The following ST3GAL5 variants were observed in gnomAD, a reference collection of about 807,000 sequenced individuals.
The protein encoded by ST3GAL5 is lactosylceramide alpha-2,3-sialyltransferase.
Under a neutral mutation model 46.1 loss-of-function variants are expected in ST3GAL5, and 25 were observed. The observed-to-expected ratio is 0.54, with a 90% confidence interval of 0.40 to 0.76. The LOEUF (loss-of-function observed/expected upper bound fraction) is 0.76. Ranked by LOEUF, ST3GAL5 falls within the 30% of genes least tolerant of loss-of-function variation. The probability of loss-of-function intolerance (pLI) is 0.00; values close to 1 mark genes in which losing one functional copy is unlikely to be tolerated. For missense variants in ST3GAL5, 431 were observed against 521.2 expected (o/e 0.83, Z 1.69); for synonymous variants, 182 against 192.7 (o/e 0.94, Z 0.46).
At position 85,874,776 on chromosome 2, in the gene ST3GAL5, AGAAT is replaced by A. The variant is rs539302998; in HGVS notation, c.83-11295_83-11292del. Among the ~76,000 whole-genome samples, 191 of 150,960 alleles carry A rather than the reference AGAAT, an allele frequency of 1.3e-3. 1 individual carries two copies. Among genetic ancestry groups the A allele is most frequent in the Admixed American group, 3.3e-3 (49 of 15,022 alleles). On this transcript the variant is annotated intron_variant, in intron 1 of 6. Transcript: ENST00000638572. ...AGCACCTGCAGAGTGAATGAACAGA[AGAAT>A]GAATGATCAGTGGCCTGCAACTAGA...
At chr2:85,846,639 T>C (rs1682824066) in intron 4 of ST3GAL5, 76 bp from the exon 5 acceptor site, 1 of 1,409,896 alleles carries the variant, frequency 7.1e-7, no homozygotes, top group Non-Finnish European at 1.0e-6. Flanking sequence ...GCAGTATCCA[T>C]GTCATGTCCT....
At chr2:85,848,287 G>C in intron 3 of ST3GAL5, 83 bp from the exon 4 acceptor site, 1 of 1,612,070 alleles carries the variant, frequency 6.2e-7, no homozygotes, top group Non-Finnish European at 8.5e-7. Flanking sequence ...TTTGTCCTAT[G>C]ATGTCTGATG....
intron 1 of ST3GAL5, chr2:85,867,708 T>C (rs1573669631): frequency 3.9e-6 from 3 of 775,836 alleles, no homozygotes; most frequent in Middle Eastern, 2.3e-4. Flanking sequence ...AATACCATAC[T>C]GAAGGAATGT....
At position 85,863,417 on chromosome 2, in the gene ST3GAL5, T is replaced by G. The variant is rs1344614380; in HGVS notation, c.151A>C (p.Thr51Pro). ...CTTCTCATCTTGCTTTGAGCTCGGG[T>G]GTACCATTGCAGGGAAGGCCTCGAG... is the stretch of plus-strand genomic sequence containing the variant. ...DCSRPSLQWYTRAQSKMRRPS... is the reference protein window; with the variant it reads ...DCSRPSLQWYPRAQSKMRRPS... The change falls in exon 2 of 7, where the codon ACC (threonine) becomes CCC (proline). Residue 51 changes from threonine to proline, a missense_variant. Physicochemically the swap from Thr to Pro is conservative, Grantham distance 38. Transcript: ENST00000638572. The G allele has an allele frequency of 6.2e-7, 1 of 1,614,086 alleles. No individual in the cohort carries two copies. The highest frequency in any genetic ancestry group is 8.5e-7 in the Non-Finnish European group (1 of 1,180,048).
intron 3 of ST3GAL5, chr2:85,850,410 C>T (rs114993002): frequency 0.016 from 2,484 of 152,376 alleles, 28 homozygotes; most frequent in Middle Eastern, 0.058. Context: ...TGTTTAAATA[C>T]GAATTGGCAT....
At chr2:85,869,963 C>T (rs140762422) in intron 1 of ST3GAL5, 19 of 341,622 alleles carry the variant, frequency 5.6e-5, no homozygotes, top group African/African-American at 4.1e-4. Context: ...CACACGCACA[C>T]ATAGCCTCCG....
intron 1 of ST3GAL5, among the ~76,000 whole-genome samples, chr2:85,872,627 A>G (rs1469686699): frequency 2.7e-5 from 4 of 150,764 alleles, no homozygotes; most frequent in Admixed American, 6.6e-5. Context: ...GGGAACGTGC[A>G]CGGGGCCGGC....
At chr2:85,864,813 C>T (rs1685115749) in intron 1 of ST3GAL5, among the ~76,000 whole-genome samples, 1 of 152,164 alleles carries the variant, frequency 6.6e-6, no homozygotes, top group Admixed American at 6.5e-5. Context: ...TAGTACCTCC[C>T]AGAATGAAGA....
rs147315816 is a variant in ST3GAL5, at chr2:85,847,977, G to A, written c.546C>T (p.Asp182=). 3.8e-5 allele frequency: 61 copies of A among 1,614,004 alleles called. No homozygotes were observed. The African/African-American group carries it at 6.4e-4, about 17-fold the overall frequency. ...TCTTGGCTTTCAAGTGTTCAGGGAGGTCGTGCTCTGGCAAGAGTTCCAAGA... is the reference window on the plus strand; with the variant it reads ...TCTTGGCTTTCAAGTGTTCAGGGAGATCGTGCTCTGGCAAGAGTTCCAAGA... The part of the protein sequence containing the change: ...QTLLELLPEH[D]LPEHLKAKTC... Residue 182 remains aspartate (D), a synonymous_variant, in exon 4 of 7, where the codon GAC becomes GAT. Transcript: ENST00000638572.
chr2:85,858,665 T>G (rs1256054966), intron 3 of ST3GAL5, among the ~76,000 whole-genome samples: 1 of 152,228 alleles, frequency 6.6e-6, no homozygotes, highest in South Asian at 2.1e-4. Flanking sequence ...GGTCTGTTTA[T>G]CCCATCTTTG....
chr2:85,867,731 C>T (rs61474756), intron 1 of ST3GAL5: 4 of 757,072 alleles, frequency 5.3e-6, no homozygotes, highest in African/African-American at 1.7e-5. Flanking sequence ...AGGACATTGA[C>T]ATCCAACCCT....
intron 1 of ST3GAL5, among the ~76,000 whole-genome samples, chr2:85,871,254 T>A (rs1685893535): frequency 6.6e-6 from 1 of 152,162 alleles, no homozygotes; most frequent in Admixed American, 6.5e-5. Context: ...CCAAGGCTCA[T>A]TTATCATTTC....
In ST3GAL5 at chr2:85,847,945, C is replaced by T; in HGVS notation, c.578G>A (p.Arg193Gln). Residue 193 changes from arginine (R) to glutamine (Q), a missense_variant, in exon 4 of 7, where the codon CGG becomes CAG. By Grantham distance (43) the Arg-to-Gln change is conservative. Transcript: ENST00000638572. ...TCCGCTTCCAATAACCACACAGCGC[C>T]GACAGGTCTTGGCTTTCAAGTGTTC... The part of the protein sequence containing the change: ...LPEHLKAKTC[R>Q]RCVVIGSGGI... 1.9e-6 allele frequency: 3 copies of T among 1,614,158 alleles called. No individual in the cohort carries two copies. The highest frequency in any genetic ancestry group is 8.5e-7 in the Non-Finnish European group (1 of 1,180,020).
rs548451087 is a variant in ST3GAL5, at chr2:85,872,830, T to G, written c.83-9345A>C. Among the ~76,000 whole-genome samples the G allele has an allele frequency of 1.6e-4, 25 of 152,230 alleles. No individual in the cohort carries two copies. The South Asian group carries it at 5.0e-3, about 30-fold the overall frequency. ...CATTCAAGTCACCGTTGGAGTTTTG[T>G]GTTTGAGAGGAAGAATTCCACTTGG... On this transcript the variant is annotated intron_variant, in intron 1 of 6. Coordinates refer to ENST00000638572, the MANE Select transcript of ST3GAL5 (RefSeq NM_003896.4).
intron 3 of ST3GAL5, chr2:85,848,559 T>C (rs1012116614): frequency 4.3e-6 from 2 of 461,398 alleles, no homozygotes; most frequent in Non-Finnish European, 7.6e-6. Context: ...TGATACATGC[T>C]ACAACATAGT....
intron 6 of ST3GAL5, among the ~76,000 whole-genome samples, chr2:85,840,792 A>C (rs548833224): frequency 1.3e-5 from 2 of 151,464 alleles, no homozygotes; most frequent in African/African-American, 4.8e-5. Context: ...AAAAATACAA[A>C]ATTTAGCCAG....
At chr2:85,848,515 C>T (rs1347476188) in intron 3 of ST3GAL5, 2 of 821,774 alleles carry the variant, frequency 2.4e-6, no homozygotes, top group East Asian at 4.8e-5. Context: ...AAATGTACTT[C>T]GGGGTGTCTA....
chr2:85,870,515 T>A (rs1326691482), intron 1 of ST3GAL5, among the ~76,000 whole-genome samples: 1 of 152,124 alleles, frequency 6.6e-6, no homozygotes, highest in East Asian at 1.9e-4. Flanking sequence ...AGGAACAGCC[T>A]CCGCATCATG....
At chr2:85,842,964 G>A (rs1291506173) in intron 6 of ST3GAL5, among the ~76,000 whole-genome samples, 1 of 151,982 alleles carries the variant, frequency 6.6e-6, no homozygotes, top group African/African-American at 2.4e-5. Context: ...CTCCATGTTG[G>A]TCAGGCTGGT....
Sources: allele counts gnomAD v4.1 joint callset (sites outside exome capture counted in the v4.1 genomes callset), GRCh38; gene constraint gnomAD v4.1.1; transcripts MANE v1.5; gene names NCBI Gene and HGNC (gene_info 2026-07-23, HGNC 2026-07-21).